SERPINI1: variants seen among roughly 807,000 people sequenced by gnomAD.
The protein encoded by SERPINI1 is serpin family I member 1.
A neutral mutation model predicts 41.1 loss-of-function variants in SERPINI1; 19 were observed. That is an observed-to-expected ratio of 0.46 (90% CI 0.32 to 0.68). The LOEUF is 0.68. Among genes scored for constraint, SERPINI1 ranks in the 30% least tolerant of loss-of-function variants. SERPINI1 has a pLI of 0.03. For missense variants in SERPINI1, 460 were observed against 479.2 expected, an observed-to-expected ratio of 0.96 and a Z score of 0.37; for synonymous variants, 138 against 156.6, an observed-to-expected ratio of 0.88 and a Z score of 0.89.
At chr3:167,760,142 G>A (rs1726333082) in intron 1 of SERPINI1, among the ~76,000 whole-genome samples, 1 of 151,428 alleles carries the variant, frequency 6.6e-6, no homozygotes, top group African/African-American at 2.5e-5. Flanking sequence ...AATGAGATGA[G>A]CTTTGAAAGA....
intron 1 of SERPINI1, among the ~76,000 whole-genome samples, chr3:167,777,738 A>G (rs1727004705): frequency 6.6e-6 from 1 of 152,208 alleles, no homozygotes; most frequent in Non-Finnish European, 1.5e-5. Flanking sequence ...ATATTCTCTT[A>G]GTTGTTTCCA....
chr3:167,797,725 G>C (rs757526677), intron 5 of SERPINI1, among the ~76,000 whole-genome samples: 3 of 124,344 alleles, frequency 2.4e-5, no homozygotes, highest in Non-Finnish European at 5.0e-5. Flanking sequence ...GGTAGTTAAT[G>C]AATACCTACC....
At chr3:167,784,197 A>G (rs1727231705) in intron 1 of SERPINI1, among the ~76,000 whole-genome samples, 1 of 152,154 alleles carries the variant, frequency 6.6e-6, no homozygotes, top group Admixed American at 6.5e-5. Flanking sequence ...GAGGTCAGTG[A>G]ATATTCTGGC....
At chr3:167,804,176 T>A (rs949551127) in intron 5 of SERPINI1, among the ~76,000 whole-genome samples, 6 of 152,202 alleles carry the variant, frequency 3.9e-5, no homozygotes, top group African/African-American at 1.4e-4. Flanking sequence ...CAAGTCAAAG[T>A]GCAAAATTTA....
At chr3:167,778,690 C>T (rs1426707954) in intron 1 of SERPINI1, among the ~76,000 whole-genome samples, 1 of 152,180 alleles carries the variant, frequency 6.6e-6, no homozygotes, top group Non-Finnish European at 1.5e-5. Flanking sequence ...CCTCTGGCTA[C>T]ATGATTCCTG....
In SERPINI1 at chr3:167,805,167, G is replaced by A. The variant is rs540696284; in HGVS notation, c.882-2077G>A. Among the ~76,000 whole-genome samples, 204 of 152,160 alleles carry A rather than the reference G, an allele frequency of 1.3e-3. 1 individual carries two copies. The highest frequency in any genetic ancestry group is 2.7e-3 in the South Asian group (13 of 4,820). On this transcript the variant is annotated intron_variant, in intron 5 of 8. Coordinates refer to ENST00000446050, the MANE Select transcript of SERPINI1 (RefSeq NM_001122752.2). ...GTACTAATTTACACTTCCACCAACA[G>A]TGTAAAAGCATTCCTATTTCTCCAC...
chr3:167,794,959 CTTCTCT>C lies in SERPINI1; in HGVS notation c.881+141_881+146del. The C allele has an allele frequency of 4.2e-6, 3 of 708,962 alleles. No homozygotes were observed. The East Asian group carries it at 8.1e-5, about 19-fold the overall frequency. The allele number at this position is 708,962 out of a possible 1,614,324, so 43.9% of individuals were successfully genotyped here. On this transcript the variant is annotated intron_variant, in intron 5 of 8. Coordinates refer to ENST00000446050, the MANE Select transcript of SERPINI1 (RefSeq NM_001122752.2). Reference sequence around the variant, plus strand: ...CTCTCTTCTTATTCTTGTTCTTCTCCTTCTCTTTCTCCTTCTCCTTCTTCTTTGATT... The same window carrying C: ...CTCTCTTCTTATTCTTGTTCTTCTCCTTCTCCTTCTCCTTCTTCTTTGATT...
At chr3:167,777,787 GC>G (rs1288464526) in intron 1 of SERPINI1, among the ~76,000 whole-genome samples, 4 of 152,188 alleles carry the variant, frequency 2.6e-5, no homozygotes, top group African/African-American at 9.6e-5. Flanking sequence ...GTTTGAATGT[GC>G]CCTCCAAAAG....
At chr3:167,800,066 A>G (rs953052634) in intron 5 of SERPINI1, 1 of 152,188 alleles carries the variant, frequency 6.6e-6, no homozygotes, top group Non-Finnish European at 1.5e-5. Flanking sequence ...TACAGAAATT[A>G]TATGCTGAAT....
chr3:167,792,894 C>T (rs1727578627), intron 4 of SERPINI1, 110 bp downstream of exon 4: 2 of 938,958 alleles, frequency 2.1e-6, no homozygotes, highest in Non-Finnish European at 3.3e-6. Flanking sequence ...ATTTGGGCTA[C>T]AATTCAATTT....
At chr3:167,803,483 C>T (rs1711519653) in intron 5 of SERPINI1, among the ~76,000 whole-genome samples, 1 of 152,046 alleles carries the variant, frequency 6.6e-6, no homozygotes, top group African/African-American at 2.4e-5. Context: ...ATGGTATCTA[C>T]TCCTCGTTGC....
chr3:167,825,118 C>T, intron 8 of SERPINI1, 129 bp from the exon 9 acceptor site: 1 of 724,426 alleles, frequency 1.4e-6, no homozygotes, highest in Non-Finnish European at 2.5e-6. Context: ...GAAGGAAGGA[C>T]AGGAGGAAGG....
At chr3:167,791,400 T>C (rs1303837655) in intron 3 of SERPINI1, among the ~76,000 whole-genome samples, 1 of 152,258 alleles carries the variant, frequency 6.6e-6, no homozygotes, top group South Asian at 2.1e-4. Flanking sequence ...ATCTCCAAGA[T>C]GTAGGCATCT....
In SERPINI1 at chr3:167,782,719, G is replaced by A. The variant is rs2420037; in HGVS notation, c.-18-6392G>A. 8.5e-3 allele frequency among the ~76,000 whole-genome samples: 1,293 copies of A among 152,286 alleles called. 97 individuals are homozygous for A. In the East Asian group the frequency reaches 0.18, roughly 21 times the overall value. Reference sequence around the variant, plus strand: ...ATAAAAATTTGCCAAGATTTCAAAGGAGGGAGGAAGTTGCTGTTTTAATTG... The same window carrying A: ...ATAAAAATTTGCCAAGATTTCAAAGAAGGGAGGAAGTTGCTGTTTTAATTG... On this transcript the variant is annotated intron_variant, in intron 1 of 8. Coordinates refer to ENST00000446050, the MANE Select transcript of SERPINI1 (RefSeq NM_001122752.2).
intron 1 of SERPINI1, among the ~76,000 whole-genome samples, chr3:167,752,304 A>T (rs763596198): frequency 6.6e-6 from 1 of 152,056 alleles, no homozygotes; most frequent in Non-Finnish European, 1.5e-5. Flanking sequence ...TGGATGTCTC[A>T]TGGGCACCTC....
At chr3:167,748,362 C>A (rs748122678) in intron 1 of SERPINI1, among the ~76,000 whole-genome samples, 5 of 152,082 alleles carry the variant, frequency 3.3e-5, no homozygotes, top group African/African-American at 1.2e-4. Context: ...AGGCAGAATT[C>A]GAGGCAAAAC....
chr3:167,778,324 C>T (rs542061234), intron 1 of SERPINI1, among the ~76,000 whole-genome samples: 113 of 152,290 alleles, frequency 7.4e-4, no homozygotes, highest in African/African-American at 2.6e-3. Flanking sequence ...ATTTAATTAT[C>T]GCAAAGCAGC....
intron 1 of SERPINI1, among the ~76,000 whole-genome samples, chr3:167,759,400 G>GTATATACATATATATATATATATA (rs1553771739): frequency 6.6e-5 from 8 of 121,162 alleles, no homozygotes; most frequent in Non-Finnish European, 1.1e-4. Flanking sequence ...AGAAAATGTG[G>GTATATACATATATATATATATATA]TATATATATA....
chr3:167,800,902 A>G (rs1312797986), intron 5 of SERPINI1, among the ~76,000 whole-genome samples: 1 of 151,962 alleles, frequency 6.6e-6, no homozygotes, highest in African/African-American at 2.4e-5. Flanking sequence ...TGCAACCTCC[A>G]CCTCCCAGGT....
Sources: allele counts gnomAD v4.1 joint callset (sites outside exome capture counted in the v4.1 genomes callset), GRCh38; gene constraint gnomAD v4.1.1; transcripts MANE v1.5; gene names NCBI Gene and HGNC (gene_info 2026-07-23, HGNC 2026-07-21).